Variants in ASIC2 observed in about 807,000 individuals in gnomAD.
The protein encoded by ASIC2 is acid sensing ion channel subunit 2.
A neutral mutation model predicts 57.3 loss-of-function variants in ASIC2; 25 were observed. The ratio of observed to expected loss-of-function variants is 0.44; its 90% CI spans 0.32 to 0.61. The LOEUF (loss-of-function observed/expected upper bound fraction) is 0.61, where lower values mean the gene tolerates loss of function less well. Ranked by LOEUF, ASIC2 falls within the 20% of genes least tolerant of loss-of-function variation. The probability of loss-of-function intolerance (pLI) is 0.06; values close to 1 mark genes in which losing one functional copy is unlikely to be tolerated. For synonymous variants in ASIC2, 319 were observed against 307.5 expected (o/e 1.04, Z -0.39); for missense variants, 641 against 738.1 (o/e 0.87, Z 1.52).
chr17:33,028,373 G>A lies in ASIC2; in HGVS notation c.1007C>T (p.Pro336Leu). Residue 336 changes from proline to leucine, a missense_variant, in exon 4 of 10, where the codon CCG becomes CTG. Physicochemically the swap from Pro to Leu is moderately conservative, Grantham distance 98 (BLOSUM62 -3). Around this residue, in one of 3 missense-constraint regions of ASIC2, gnomAD observed 252 missense variants for 319.8 expected, o/e 0.79. Transcript: ENST00000225823. ...QEQRLTYLPP[P>L]WGECRSSEMG... Reference sequence around the variant, plus strand: ...CTCTGAGGATCGGCACTCACCCCACGGTGGGGGCAGGTATGTGAGCTGCAA... The same window carrying A: ...CTCTGAGGATCGGCACTCACCCCACAGTGGGGGCAGGTATGTGAGCTGCAA... The A allele has an allele frequency of 3.1e-6, 5 of 1,614,116 alleles. No homozygotes were observed. The highest frequency in any genetic ancestry group is 2.2e-5 in the East Asian group (1 of 44,886).
chr17:33,985,700 G>T (rs189419837), intron 1 of ASIC2, among the ~76,000 whole-genome samples: 1 of 152,298 alleles, frequency 6.6e-6, no homozygotes, highest in Admixed American at 6.5e-5. Context: ...GGGAGGACCT[G>T]GGTTAAGTTA....
intron 1 of ASIC2, among the ~76,000 whole-genome samples, chr17:33,796,874 T>G (rs961752713): frequency 6.6e-6 from 1 of 152,208 alleles, no homozygotes; most frequent in Non-Finnish European, 1.5e-5. Context: ...TGCAAATCAT[T>G]TAATCTATTG....
At chr17:33,175,710 C>T (rs1228563626) in intron 1 of ASIC2, among the ~76,000 whole-genome samples, 1 of 152,152 alleles carries the variant, frequency 6.6e-6, no homozygotes, top group Non-Finnish European at 1.5e-5. Flanking sequence ...CCTGTCTGTG[C>T]AATCCGCTCA....
intron 3 of ASIC2, among the ~76,000 whole-genome samples, chr17:33,060,945 T>C (rs1048862064): frequency 6.6e-6 from 1 of 152,250 alleles, no homozygotes; most frequent in African/African-American, 2.4e-5. Flanking sequence ...AGTTCATTCA[T>C]GATTTGGCTC....
At chr17:33,974,216 C>T (rs2142000071) in intron 1 of ASIC2, among the ~76,000 whole-genome samples, 1 of 152,222 alleles carries the variant, frequency 6.6e-6, no homozygotes, top group African/African-American at 2.4e-5. Context: ...AGTCTATTAC[C>T]AAACTTCCCC....
chr17:33,817,593 T>C (rs1008215636), intron 1 of ASIC2, among the ~76,000 whole-genome samples: 1 of 152,212 alleles, frequency 6.6e-6, no homozygotes, highest in Non-Finnish European at 1.5e-5. Context: ...GGACATTCAC[T>C]GGTTTGTATA....
intron 1 of ASIC2, chr17:34,082,365 T>C (rs1909917156): frequency 6.6e-6 from 1 of 152,216 alleles, no homozygotes; most frequent in Non-Finnish European, 1.5e-5. Context: ...GGTGAGAATA[T>C]ACTATTAAAT....
At chr17:33,726,412 A>C (rs1158782316) in intron 1 of ASIC2, among the ~76,000 whole-genome samples, 1 of 152,180 alleles carries the variant, frequency 6.6e-6, no homozygotes, top group Non-Finnish European at 1.5e-5. Context: ...AGCAATAGAG[A>C]ACTGAAGCAG....
intron 1 of ASIC2, among the ~76,000 whole-genome samples, chr17:33,476,005 T>C (rs1233271755): frequency 6.6e-6 from 1 of 152,182 alleles, no homozygotes; most frequent in African/African-American, 2.4e-5. Context: ...TGGGAGGTTA[T>C]TATTTGGTAG....
chr17:33,368,500 C>G lies in ASIC2; in HGVS notation c.556-256433G>C, dbSNP rs185936708. ...ATTTGAATTCCTGACCCAAAGAGGG[C>G]ATGAGTTTAATAGATGGTTGTCTTA... On this transcript the variant is annotated intron_variant, in intron 1 of 9. Coordinates refer to the ASIC2 transcript ENST00000359872. Among the ~76,000 whole-genome samples, 12 of 152,320 alleles carry G rather than the reference C, an allele frequency of 7.9e-5. No individual in the cohort carries two copies. The East Asian group carries it at 2.3e-3, about 29-fold the overall frequency.
intron 1 of ASIC2, among the ~76,000 whole-genome samples, chr17:33,635,233 AATG>A (rs1906316866): frequency 6.6e-6 from 1 of 152,210 alleles, no homozygotes. Flanking sequence ...GTGGGTCAAT[AATG>A]ATAATAATAA....
intron 1 of ASIC2, among the ~76,000 whole-genome samples, chr17:33,690,743 GTTTTTTTTTTT>G (rs527881591): frequency 1.2e-5 from 1 of 81,676 alleles, no homozygotes; most frequent in Non-Finnish European, 2.2e-5. Flanking sequence ...ACTCTTCATT[GTTTTTTTTTTT>G]TTTTTTTTTT....
intron 1 of ASIC2, among the ~76,000 whole-genome samples, chr17:33,527,078 G>T (rs956704899): frequency 6.6e-6 from 1 of 152,204 alleles, no homozygotes. Flanking sequence ...AGGGCTGGGC[G>T]CCCTGTGTGC....
intron 1 of ASIC2, among the ~76,000 whole-genome samples, chr17:33,845,673 C>T (rs566025125): frequency 1.2e-4 from 19 of 152,280 alleles, no homozygotes; most frequent in African/African-American, 3.9e-4. Context: ...GGCACCTTAC[C>T]TGTTAGAACT....
chr17:34,090,866 C>T lies in ASIC2; in HGVS notation c.555+65112G>A, dbSNP rs190429755. Among the ~76,000 whole-genome samples the T allele has an allele frequency of 3.9e-5, 6 of 152,326 alleles. No homozygotes were observed. In the East Asian group the frequency reaches 1.2e-3, roughly 29 times the overall value. On this transcript the variant is annotated intron_variant, in intron 1 of 9. Transcript: ENST00000359872. ...TATTCCTTATCCATGCCCACTTCTG[C>T]CTGTGGGATTTGGAAGGCTCCAGGA...
At chr17:33,122,440 G>C (rs574735641) in intron 1 of ASIC2, among the ~76,000 whole-genome samples, 185 of 152,258 alleles carry the variant, frequency 1.2e-3, no homozygotes, top group Non-Finnish European at 1.4e-3. Context: ...TTCTGCACCT[G>C]AACTCTGATA....
intron 1 of ASIC2, among the ~76,000 whole-genome samples, chr17:33,216,943 A>C (rs1035731021): frequency 6.6e-6 from 1 of 152,134 alleles, no homozygotes; most frequent in African/African-American, 2.4e-5. Flanking sequence ...AGAGGGAGGC[A>C]GTTGGGAGGG....
At chr17:33,882,058 T>C (rs1597915112) in intron 1 of ASIC2, among the ~76,000 whole-genome samples, 1 of 152,208 alleles carries the variant, frequency 6.6e-6, no homozygotes, top group Non-Finnish European at 1.5e-5. Context: ...GCTAGCCATA[T>C]GTAGAAAGCT....
At chr17:33,468,087 C>T (rs1324623211) in intron 1 of ASIC2, among the ~76,000 whole-genome samples, 2 of 152,190 alleles carry the variant, frequency 1.3e-5, no homozygotes, top group Non-Finnish European at 2.9e-5. Flanking sequence ...TCAGATGGCT[C>T]TTCCTTGGTT....
Sources: gnomAD v4.1 joint callset for allele counts (sites outside exome capture counted in the v4.1 genomes callset) on GRCh38, gnomAD v4.1.1 for gene constraint, gnomAD v4.1.1 regional missense constraint, MANE v1.5 for transcripts, NCBI Gene and HGNC (gene_info 2026-07-23, HGNC 2026-07-21) for gene names.